Variants in GULP1 observed in about 807,000 individuals in gnomAD.
GULP1 encodes the protein GULP PTB domain containing engulfment adaptor 1.
A neutral mutation model predicts 40.9 loss-of-function variants in GULP1; 19 were observed. The observed-to-expected ratio is 0.46, with a 90% CI of 0.32 to 0.68. The LOEUF is 0.68. Ranked by LOEUF, GULP1 falls within the 30% of genes least tolerant of loss-of-function variation. GULP1 has a pLI of 0.03. For synonymous variants in GULP1, 119 were observed against 117.6 expected (o/e 1.01, Z -0.08); for missense variants, 312 against 362.2 (o/e 0.86, Z 1.12).
chr2:188,357,961 T>C (rs2045575661), intron 1 of GULP1, among the ~76,000 whole-genome samples: 1 of 152,110 alleles, frequency 6.6e-6, no homozygotes, highest in Non-Finnish European at 1.5e-5. Flanking sequence ...GGTGGATCAC[T>C]TGAGGCCAGG....
intron 7 of GULP1, among the ~76,000 whole-genome samples, chr2:188,566,399 G>A (rs1697666441): frequency 6.6e-6 from 1 of 151,726 alleles, no homozygotes; most frequent in African/African-American, 2.4e-5. Flanking sequence ...ATGAGAACAT[G>A]GTTTTTTAAA....
chr2:188,438,033 C>T (rs1180999462), intron 2 of GULP1, among the ~76,000 whole-genome samples: 1 of 151,808 alleles, frequency 6.6e-6, no homozygotes, highest in South Asian at 2.1e-4. Flanking sequence ...CATGAGTTTA[C>T]CAGTATAACA....
At chr2:188,460,250 A>G (rs2059590977) in intron 2 of GULP1, among the ~76,000 whole-genome samples, 1 of 152,100 alleles carries the variant, frequency 6.6e-6, no homozygotes, top group South Asian at 2.1e-4. Context: ...TGTACATTTT[A>G]ACAATATTGA....
At chr2:188,523,891 A>G (rs1235848723) in intron 5 of GULP1, among the ~76,000 whole-genome samples, 3 of 152,204 alleles carry the variant, frequency 2.0e-5, no homozygotes, top group Non-Finnish European at 4.4e-5. Flanking sequence ...AAATATGCTA[A>G]AATCTCCGAA....
At chr2:188,329,213 T>C (rs1429819922) in intron 1 of GULP1, among the ~76,000 whole-genome samples, 1 of 152,038 alleles carries the variant, frequency 6.6e-6, no homozygotes. Context: ...GCAATAGCAC[T>C]ATTATTACCA....
intron 7 of GULP1, among the ~76,000 whole-genome samples, chr2:188,567,065 T>C (rs1697891265): frequency 6.6e-6 from 1 of 151,432 alleles, no homozygotes; most frequent in Non-Finnish European, 1.5e-5. Context: ...GAAATGCAAA[T>C]CAAAACCACA....
At chr2:188,360,955 C>T (rs905072878) in intron 1 of GULP1, among the ~76,000 whole-genome samples, 3 of 152,004 alleles carry the variant, frequency 2.0e-5, no homozygotes, top group African/African-American at 7.2e-5. Flanking sequence ...TATAGTTTCT[C>T]TTTTATGGTG....
At chr2:188,427,250 G>A (rs368175773) in intron 2 of GULP1, among the ~76,000 whole-genome samples, 9 of 152,154 alleles carry the variant, frequency 5.9e-5, no homozygotes, top group Non-Finnish European at 1.2e-4. Flanking sequence ...TTAGAAGATT[G>A]GCAGCCTGGT....
At chr2:188,433,009 GT>G (rs2057043070) in intron 2 of GULP1, among the ~76,000 whole-genome samples, 1 of 152,106 alleles carries the variant, frequency 6.6e-6, no homozygotes, top group Non-Finnish European at 1.5e-5. Context: ...CAAAGAATGG[GT>G]TTTATCTTGA....
intron 1 of GULP1, among the ~76,000 whole-genome samples, chr2:188,366,260 C>T (rs917648293): frequency 1.3e-5 from 2 of 151,902 alleles, no homozygotes; most frequent in Non-Finnish European, 2.9e-5. Flanking sequence ...CCAAACACCC[C>T]ATAAAAACAA....
rs72907642 is a variant in GULP1 at position 188,322,286 on chromosome 2, A to T, written c.-172+30120A>T. ...TATAGAGTATAATTCAGTATGCTGCATTTATATTTTAGAGCTTTTTTTTTT... is the reference window on the plus strand; with the variant it reads ...TATAGAGTATAATTCAGTATGCTGCTTTTATATTTTAGAGCTTTTTTTTTT... On this transcript the variant is annotated intron_variant, in intron 1 of 11. Coordinates refer to ENST00000409830, the MANE Select transcript of GULP1 (RefSeq NM_016315.4). 9.8e-3 allele frequency among the ~76,000 whole-genome samples: 1,484 copies of T among 151,996 alleles called. 14 individuals are homozygous for T. Among genetic ancestry groups the T allele is most frequent in the Non-Finnish European group, 0.015 (1,028 of 67,962 alleles).
In GULP1 at chr2:188,529,107, A is replaced by T; in HGVS notation, c.173A>T (p.His58Leu). ...ATTTTTCATTCGTAGTTTGCAAGAC[A>T]TATCAAGAAATCTGAAGGCCAGAAA... ...DAVRKLKFAR[H>L]IKKSEGQKIP... The change falls in exon 6 of 12, where the codon CAT (histidine) becomes CTT (leucine). Residue 58 changes from histidine to leucine, a missense_variant. Physicochemically the swap from His to Leu is moderately conservative, Grantham distance 99. Coordinates refer to ENST00000409830, the MANE Select transcript of GULP1 (RefSeq NM_016315.4). 2 of 1,488,844 alleles carry T rather than the reference A, an allele frequency of 1.3e-6. No individual in the cohort carries two copies. Among genetic ancestry groups the T allele is most frequent in the South Asian group, 1.2e-5 (1 of 84,148 alleles). 92.2% of individuals were successfully genotyped at this position (1,488,844 alleles called of 1,614,324 possible). A position where few individuals can be genotyped will look rare whatever the true frequency, so the allele number is the denominator to read the frequency against.
chr2:188,554,793 T>C (rs1457846624), intron 7 of GULP1, among the ~76,000 whole-genome samples: 2 of 152,056 alleles, frequency 1.3e-5, no homozygotes, highest in Non-Finnish European at 2.9e-5. Context: ...TCTAGAAATA[T>C]TTACTTTATG....
At chr2:188,412,161 G>A (rs1559211062) in intron 2 of GULP1, among the ~76,000 whole-genome samples, 1 of 152,034 alleles carries the variant, frequency 6.6e-6, no homozygotes, top group Non-Finnish European at 1.5e-5. Flanking sequence ...TGGTGGAAGG[G>A]GAAGCAAACA....
chr2:188,576,647 T>C (rs912902367), intron 9 of GULP1, among the ~76,000 whole-genome samples: 2 of 152,160 alleles, frequency 1.3e-5, no homozygotes, highest in African/African-American at 2.4e-5. Context: ...TCCTTTTCTA[T>C]CAAGTGAAAT....
intron 1 of GULP1, among the ~76,000 whole-genome samples, chr2:188,370,671 G>T (rs1341150200): frequency 6.6e-6 from 1 of 152,126 alleles, no homozygotes; most frequent in Non-Finnish European, 1.5e-5. Flanking sequence ...ACATAATAAA[G>T]ATTGCATCTC....
chr2:188,353,062 A>G (rs1262503463), intron 1 of GULP1, among the ~76,000 whole-genome samples: 1 of 152,186 alleles, frequency 6.6e-6, no homozygotes, highest in East Asian at 1.9e-4. Flanking sequence ...ATAAACCTGG[A>G]AAATTCATGG....
chr2:188,385,301 G>A (rs2049551436), intron 2 of GULP1, among the ~76,000 whole-genome samples: 1 of 152,160 alleles, frequency 6.6e-6, no homozygotes, highest in Admixed American at 6.5e-5. Context: ...CTTGGGGCTT[G>A]CACCCTCTAA....
At chr2:188,517,846 G>A (rs1008606576) in intron 4 of GULP1, among the ~76,000 whole-genome samples, 4 of 152,050 alleles carry the variant, frequency 2.6e-5, no homozygotes, top group African/African-American at 9.7e-5. Context: ...CTTCTGCTTA[G>A]TATCTTTGTC....
Sources: allele counts gnomAD v4.1 joint callset (sites outside exome capture counted in the v4.1 genomes callset), GRCh38; gene constraint gnomAD v4.1.1; transcripts MANE v1.5; gene names NCBI Gene and HGNC (gene_info 2026-07-23, HGNC 2026-07-21).